Variants in CDH13 observed in about 807,000 individuals in gnomAD.
CDH13 encodes the protein cadherin 13.
CDH13 carries 24 observed loss-of-function variants against 63.8 expected under a neutral mutation model. That is an observed-to-expected ratio of 0.38 (90% CI 0.27 to 0.53). The LOEUF (loss-of-function observed/expected upper bound fraction) is 0.53. Ranked by LOEUF, CDH13 falls within the 20% of genes least tolerant of loss-of-function variation. The pLI, the probability that CDH13 is intolerant of heterozygous loss-of-function variation, is 0.85. For synonymous variants in CDH13, 503 were observed against 355.3 expected (o/e 1.42, Z -4.67); for missense variants, 1,049 against 903.1 (o/e 1.16, Z -2.07).
At chr16:83,188,900 A>G (rs2038610911) in intron 4 of CDH13, among the ~76,000 whole-genome samples, 1 of 152,052 alleles carries the variant, frequency 6.6e-6, no homozygotes, top group Non-Finnish European at 1.5e-5. Flanking sequence ...TGACAAAGAT[A>G]TTGGGCTGGG....
intron 5 of CDH13, among the ~76,000 whole-genome samples, chr16:83,260,985 T>C (rs535321152): frequency 6.6e-6 from 1 of 152,172 alleles, no homozygotes; most frequent in African/African-American, 2.4e-5. Context: ...GAGATCTTTT[T>C]ATGTGAGGCC....
At chr16:82,749,476 C>T (rs181066743) in intron 1 of CDH13, among the ~76,000 whole-genome samples, 4 of 152,234 alleles carry the variant, frequency 2.6e-5, no homozygotes, top group Middle Eastern at 3.4e-3. Context: ...TCTCCAGGTT[C>T]GGAACTCATC....
intron 6 of CDH13, among the ~76,000 whole-genome samples, chr16:83,375,636 A>G (rs960034709): frequency 6.6e-6 from 1 of 152,188 alleles, no homozygotes. Flanking sequence ...TCCCAGGAAA[A>G]CACTGAGAGC....
intron 3 of CDH13, among the ~76,000 whole-genome samples, chr16:83,122,071 G>A (rs1334660458): frequency 6.6e-6 from 1 of 152,106 alleles, no homozygotes; most frequent in Non-Finnish European, 1.5e-5. Context: ...GCTGTTGTTA[G>A]GATTGAGATG....
At chr16:82,772,829 C>T (rs1023861904) in intron 1 of CDH13, among the ~76,000 whole-genome samples, 1 of 152,162 alleles carries the variant, frequency 6.6e-6, no homozygotes, top group Admixed American at 6.5e-5. Context: ...ACTCCAAATG[C>T]AAAGATTGAA....
intron 6 of CDH13, among the ~76,000 whole-genome samples, chr16:83,352,283 A>G (rs534120771): frequency 6.6e-6 from 1 of 152,306 alleles, no homozygotes; most frequent in East Asian, 1.9e-4. Context: ...AGCTAAATGG[A>G]ATGAAAAGTA....
At chr16:83,523,142 T>C (rs1362834318) in intron 7 of CDH13, among the ~76,000 whole-genome samples, 5 of 152,202 alleles carry the variant, frequency 3.3e-5, no homozygotes, top group Non-Finnish European at 5.9e-5. Flanking sequence ...GTCCAGGTTG[T>C]ATCTAAATTA....
intron 7 of CDH13, among the ~76,000 whole-genome samples, chr16:83,553,126 A>G (rs1341613785): frequency 2.0e-5 from 3 of 151,734 alleles, no homozygotes; most frequent in East Asian, 1.9e-4. Context: ...ATTTTTGCTT[A>G]GGAAGCATTT....
chr16:82,865,817 T>C (rs1227073319), intron 2 of CDH13, among the ~76,000 whole-genome samples: 1 of 152,264 alleles, frequency 6.6e-6, no homozygotes, highest in African/African-American at 2.4e-5. Context: ...TTTTTTTCTT[T>C]TCTATTTCAT....
At chr16:82,951,823 G>A (rs148954665) in intron 2 of CDH13, among the ~76,000 whole-genome samples, 34 of 152,252 alleles carry the variant, frequency 2.2e-4, no homozygotes, top group South Asian at 2.1e-4. Flanking sequence ...TACACCCATG[G>A]GAATCAGGAG....
chr16:83,593,658 C>A (rs562141943), intron 7 of CDH13, among the ~76,000 whole-genome samples: 1 of 151,810 alleles, frequency 6.6e-6, no homozygotes, highest in Non-Finnish European at 1.5e-5. Context: ...CAATATTATG[C>A]AATAATATGT....
intron 1 of CDH13, among the ~76,000 whole-genome samples, chr16:82,664,270 G>C (rs1912326221): frequency 6.6e-6 from 1 of 152,232 alleles, no homozygotes; most frequent in South Asian, 2.1e-4. Flanking sequence ...TCCTCAGATG[G>C]ATGGAGTAGG....
chr16:83,129,172 G>A (rs2035941020), intron 4 of CDH13, among the ~76,000 whole-genome samples: 1 of 152,160 alleles, frequency 6.6e-6, no homozygotes, highest in Non-Finnish European at 1.5e-5. Flanking sequence ...TGCTGGGGAG[G>A]CAGGGAGAAG....
intron 3 of CDH13, among the ~76,000 whole-genome samples, chr16:83,085,368 G>A (rs1002981073): frequency 1.3e-5 from 2 of 152,100 alleles, no homozygotes; most frequent in Non-Finnish European, 2.9e-5. Context: ...GGAATTCTGG[G>A]AGATACAGTT....
At chr16:82,648,685 C>T (rs893663549) in intron 1 of CDH13, among the ~76,000 whole-genome samples, 2 of 152,090 alleles carry the variant, frequency 1.3e-5, no homozygotes, top group East Asian at 1.9e-4. Context: ...TTGTTTTTTC[C>T]CCTCTGGTTT....
At chr16:83,737,070 A>C (rs916257309) in intron 10 of CDH13, among the ~76,000 whole-genome samples, 1 of 152,188 alleles carries the variant, frequency 6.6e-6, no homozygotes, top group African/African-American at 2.4e-5. Flanking sequence ...AGCTCAAAAC[A>C]GTGGTTCTTA....
intron 3 of CDH13, among the ~76,000 whole-genome samples, chr16:83,050,974 A>G (rs1421137740): frequency 6.6e-6 from 1 of 152,144 alleles, no homozygotes; most frequent in East Asian, 1.9e-4. Flanking sequence ...TTCTACCTGC[A>G]AACTCTTCAT....
intron 7 of CDH13, among the ~76,000 whole-genome samples, chr16:83,532,473 C>A (rs886169206): frequency 1.3e-5 from 2 of 152,230 alleles, no homozygotes; most frequent in African/African-American, 4.8e-5. Context: ...GAATATTTGT[C>A]TTCCCAGAGA....
At chr16:82,680,389 C>T (rs1457930932) in intron 1 of CDH13, among the ~76,000 whole-genome samples, 1 of 152,148 alleles carries the variant, frequency 6.6e-6, no homozygotes, top group African/African-American at 2.4e-5. Context: ...GTAGTTTGGC[C>T]CTCATCACAG....
Sources: gnomAD v4.1 joint callset for allele counts (sites outside exome capture counted in the v4.1 genomes callset) on GRCh38, gnomAD v4.1.1 for gene constraint, MANE v1.5 for transcripts, NCBI Gene and HGNC (gene_info 2026-07-23, HGNC 2026-07-21) for gene names.